MGAT4C: variants seen among roughly 807,000 people sequenced by gnomAD.
The protein encoded by MGAT4C is alpha-1,3-mannosyl-glycoprotein 4-beta-N-acetylglucosaminyltransferase C.
MGAT4C carries 19 observed loss-of-function variants against 40.1 expected under a neutral mutation model. The ratio of observed to expected loss-of-function variants is 0.47; its 90% CI spans 0.33 to 0.70. The LOEUF is 0.70. MGAT4C is among the 30% of genes least tolerant of loss of function. MGAT4C has a pLI of 0.02. For synonymous variants in MGAT4C, 181 were observed against 187.1 expected (o/e 0.97, Z 0.27); for missense variants, 491 against 563.2 (o/e 0.87, Z 1.30).
chr12:86,478,336 A>G (rs1957877344), intron 2 of MGAT4C, among the ~76,000 whole-genome samples: 1 of 152,182 alleles, frequency 6.6e-6, no homozygotes, highest in Non-Finnish European at 1.5e-5. Flanking sequence ...AGTTAGACAC[A>G]ATAGTATGTA....
intron 2 of MGAT4C, among the ~76,000 whole-genome samples, chr12:86,479,950 T>G (rs1368433245): frequency 6.6e-6 from 1 of 151,864 alleles, no homozygotes; most frequent in Non-Finnish European, 1.5e-5. Flanking sequence ...TCATTAACTT[T>G]GGAAAGAGAA....
chr12:86,082,480 T>C (rs1459602162), intron 1 of MGAT4C, among the ~76,000 whole-genome samples: 2 of 152,152 alleles, frequency 1.3e-5, no homozygotes, highest in Non-Finnish European at 2.9e-5. Flanking sequence ...ATCTGGAGCA[T>C]ATCTTTTTTG....
intron 1 of MGAT4C, among the ~76,000 whole-genome samples, chr12:86,801,274 A>G (rs1565998669): frequency 1.3e-5 from 2 of 151,924 alleles, no homozygotes; most frequent in Admixed American, 1.3e-4. Flanking sequence ...GAGAGCTTCA[A>G]GAAAAGCAGT....
chr12:86,571,510 T>A lies in MGAT4C; in HGVS notation c.-228-136245A>T, dbSNP rs534295325. ...AAACTGAAATTTAAAGTACTGCAAT[T>A]GTTTCAGTAGCATTGCTTATACAGT... is the stretch of plus-strand genomic sequence containing the variant. On this transcript the variant is annotated intron_variant, in intron 2 of 7. Transcript: ENST00000548651. 3.3e-5 allele frequency among the ~76,000 whole-genome samples: 5 copies of A among 152,202 alleles called. No individual in the cohort carries two copies. The East Asian group carries it at 9.7e-4, about 29-fold the overall frequency.
At chr12:86,518,074 A>G (rs900709343) in intron 2 of MGAT4C, among the ~76,000 whole-genome samples, 2 of 152,210 alleles carry the variant, frequency 1.3e-5, no homozygotes, top group African/African-American at 4.8e-5. Context: ...CTGCAGAAAT[A>G]TGGGGCAAGA....
rs1384214501 is a variant in MGAT4C, at chr12:86,013,779, AG to A, written c.-6-24228del. 4 of 963,072 alleles carry A rather than the reference AG, an allele frequency of 4.2e-6. No individual in the cohort carries two copies. The East Asian group carries it at 3.4e-4, about 83-fold the overall frequency. 59.7% of individuals were successfully genotyped at this position (963,072 alleles called of 1,614,324 possible). A position where few individuals can be genotyped will look rare whatever the true frequency, so the allele number is the denominator to read the frequency against. On this transcript the variant is annotated intron_variant, in intron 2 of 4. Coordinates refer to ENST00000611864, the MANE Select transcript of MGAT4C (RefSeq NM_001351288.2). ...AGAATCTTAGTGAAAAAAAAAAAAAAGACTTTCTTAGTAAACTCTTTTCTCT... is the reference window on the plus strand; with the variant it reads ...AGAATCTTAGTGAAAAAAAAAAAAAAACTTTCTTAGTAAACTCTTTTCTCT...
rs529264860 is a variant in MGAT4C, at chr12:86,358,654, C to CA, written c.-119-24528dup. On this transcript the variant is annotated intron_variant, in intron 3 of 7. Coordinates refer to the MGAT4C transcript ENST00000548651. ...GAAGATCTACCAAGGAAATGGAAAA[C>CA]AAAAAAAAGCAGGGTTGCAATCCTA... Among the ~76,000 whole-genome samples the CA allele has an allele frequency of 2.1e-3, 314 of 151,444 alleles. 3 individuals carry two copies. The highest frequency in any genetic ancestry group is 2.7e-3 in the Non-Finnish European group (183 of 67,816).
chr12:86,302,719 G>A lies in MGAT4C; in HGVS notation c.-57+31346C>T, dbSNP rs757344158. ...GCTGGGATTACAGGTGTGAGCCACC[G>A]CACCAGGACAGCAGCCTCTTTTATT... On this transcript the variant is annotated intron_variant, in intron 4 of 7. Coordinates refer to the MGAT4C transcript ENST00000548651. Among the ~76,000 whole-genome samples, 21 of 150,518 alleles carry A rather than the reference G, an allele frequency of 1.4e-4. 2 individuals are homozygous for A. The highest frequency in any genetic ancestry group is 4.3e-4 in the African/African-American group (17 of 39,944).
intron 2 of MGAT4C, among the ~76,000 whole-genome samples, chr12:86,598,641 T>A (rs1961636159): frequency 1.3e-5 from 2 of 152,070 alleles, no homozygotes; most frequent in Admixed American, 1.3e-4. Context: ...TCAACAATTA[T>A]CATATAAGCT....
At chr12:86,683,393 G>A (rs1950017458) in intron 2 of MGAT4C, among the ~76,000 whole-genome samples, 1 of 151,934 alleles carries the variant, frequency 6.6e-6, no homozygotes, top group South Asian at 2.1e-4. Flanking sequence ...ACTTTACATA[G>A]TTAATGAGCA....
chr12:86,094,044 T>G (rs375508271), intron 1 of MGAT4C, among the ~76,000 whole-genome samples: 1 of 152,136 alleles, frequency 6.6e-6, no homozygotes, highest in African/African-American at 2.4e-5. Context: ...AATAGGATAT[T>G]GCCAGATTTA....
At chr12:86,167,499 C>A (rs1352109560) in intron 1 of MGAT4C, among the ~76,000 whole-genome samples, 1 of 152,108 alleles carries the variant, frequency 6.6e-6, no homozygotes, top group Non-Finnish European at 1.5e-5. Context: ...ACAAACTGGA[C>A]AATTTATAAT....
At chr12:86,739,866 A>G (rs1951041550) in intron 1 of MGAT4C, among the ~76,000 whole-genome samples, 1 of 150,888 alleles carries the variant, frequency 6.6e-6, no homozygotes, top group African/African-American at 2.4e-5. Flanking sequence ...AAACACACAC[A>G]CACACACATA....
intron 2 of MGAT4C, among the ~76,000 whole-genome samples, chr12:86,628,307 A>C (rs1220826141): frequency 6.6e-6 from 1 of 152,212 alleles, no homozygotes; most frequent in East Asian, 1.9e-4. Context: ...AATGGAACTA[A>C]GCTGGAAAAC....
At chr12:86,447,756 T>C (rs973002341) in intron 2 of MGAT4C, among the ~76,000 whole-genome samples, 5 of 152,144 alleles carry the variant, frequency 3.3e-5, no homozygotes, top group African/African-American at 1.2e-4. Flanking sequence ...GATGCAAATA[T>C]AGATATTGAG....
At chr12:86,646,270 T>C (rs952854653) in intron 2 of MGAT4C, among the ~76,000 whole-genome samples, 3 of 151,928 alleles carry the variant, frequency 2.0e-5, no homozygotes, top group Admixed American at 6.6e-5. Flanking sequence ...GCTTTTCTTC[T>C]ATACAAATTA....
chr12:86,732,569 A>T (rs1950927665), intron 1 of MGAT4C, among the ~76,000 whole-genome samples: 1 of 152,110 alleles, frequency 6.6e-6, no homozygotes, highest in African/African-American at 2.4e-5. Flanking sequence ...TATCCCTTGC[A>T]TGTGCAGTTC....
intron 2 of MGAT4C, among the ~76,000 whole-genome samples, chr12:86,594,050 G>A (rs1408855132): frequency 6.6e-6 from 1 of 152,186 alleles, no homozygotes; most frequent in East Asian, 1.9e-4. Flanking sequence ...GACAATGGCG[G>A]TTAGGGTTCC....
chr12:86,524,933 T>C (rs2136364462), intron 2 of MGAT4C, among the ~76,000 whole-genome samples: 1 of 152,350 alleles, frequency 6.6e-6, no homozygotes, highest in Non-Finnish European at 1.5e-5. Context: ...CATTGTTTTC[T>C]ATAATGGTTA....
Sources: gnomAD v4.1 joint callset for allele counts (sites outside exome capture counted in the v4.1 genomes callset) on GRCh38, gnomAD v4.1.1 for gene constraint, MANE v1.5 for transcripts, NCBI Gene and HGNC (gene_info 2026-07-23, HGNC 2026-07-21) for gene names.